BMERB1: variants seen among roughly 807,000 people sequenced by gnomAD.
The protein encoded by BMERB1 is bMERB domain containing 1.
BMERB1 carries 12 observed loss-of-function variants against 23.6 expected under a neutral mutation model. The observed-to-expected ratio is 0.51, with a 90% CI of 0.33 to 0.82. The LOEUF is 0.82. Among genes scored for constraint, BMERB1 ranks in the 40% least tolerant of loss-of-function variants. The pLI, the probability that BMERB1 is intolerant of heterozygous loss-of-function variation, is 0.03. For synonymous variants in BMERB1, 122 were observed against 96.6 expected (o/e 1.26, Z -1.54); for missense variants, 247 against 255.4 (o/e 0.97, Z 0.22).
intron 1 of BMERB1, among the ~76,000 whole-genome samples, chr16:15,472,696 A>G (rs1598457890): frequency 6.6e-6 from 1 of 152,146 alleles, no homozygotes; most frequent in South Asian, 2.1e-4. Context: ...CATTTTGCCA[A>G]TCTGTCTTTA....
intron 1 of BMERB1, among the ~76,000 whole-genome samples, chr16:15,464,584 T>C (rs1185288572): frequency 6.6e-6 from 1 of 152,222 alleles, no homozygotes; most frequent in Non-Finnish European, 1.5e-5. Flanking sequence ...GGATTATTCA[T>C]GAGTTTTCCG....
At position 15,531,950 on chromosome 16, in the gene BMERB1, A is replaced by G. The variant is rs138227857; in HGVS notation, c.230+16522A>G. On this transcript the variant is annotated intron_variant, in intron 2 of 5. Coordinates refer to ENST00000300006, the MANE Select transcript of BMERB1 (RefSeq NM_033201.3). ...AGAAATGGGAGGGAATAAAACTGCA[A>G]GTGACTTAGCAGAGCTGCCTTGGTG... 7.2e-5 allele frequency among the ~76,000 whole-genome samples: 11 copies of G among 152,326 alleles called. No homozygotes were observed. The East Asian group carries it at 1.9e-3, about 27-fold the overall frequency.
Position 15,552,553 on chromosome 16 carries a change from C to T in BMERB1, c.231-15430C>T, listed in dbSNP as rs146082999. ...TGCGGTCCCAGAAACTGCCAGGTAG[C>T]ATCAGTGAGCAGGTGCAGGAAATCT... On this transcript the variant is annotated intron_variant, in intron 2 of 5. Coordinates refer to ENST00000300006, the MANE Select transcript of BMERB1 (RefSeq NM_033201.3). Among the ~76,000 whole-genome samples, 379 of 152,306 alleles carry T rather than the reference C, an allele frequency of 2.5e-3. 3 individuals carry two copies. The highest frequency in any genetic ancestry group is 8.4e-3 in the African/African-American group (348 of 41,564).
chr16:15,580,811 CT>C (rs1270357312), intron 3 of BMERB1, among the ~76,000 whole-genome samples: 3 of 152,002 alleles, frequency 2.0e-5, no homozygotes, highest in Non-Finnish European at 4.4e-5. Context: ...TCCCAAAGTG[CT>C]GGGATTACAG....
chr16:15,547,837 A>G (rs947211872), intron 2 of BMERB1, among the ~76,000 whole-genome samples: 1 of 152,136 alleles, frequency 6.6e-6, no homozygotes, highest in Non-Finnish European at 1.5e-5. Flanking sequence ...TGTGATTCCG[A>G]TGGAGCCACT....
intron 1 of BMERB1, among the ~76,000 whole-genome samples, chr16:15,452,861 C>T (rs2051053842): frequency 6.6e-6 from 1 of 152,154 alleles, no homozygotes; most frequent in Admixed American, 6.6e-5. Flanking sequence ...TTCCCTAAGA[C>T]AGCATTTCAC....
At chr16:15,535,746 T>C (rs2052018695) in intron 2 of BMERB1, among the ~76,000 whole-genome samples, 1 of 151,176 alleles carries the variant, frequency 6.6e-6, no homozygotes, top group South Asian at 2.1e-4. Context: ...ATTTTCACAC[T>C]GGAAAAAAAA....
intron 1 of BMERB1, among the ~76,000 whole-genome samples, chr16:15,487,745 G>T (rs2051380450): frequency 6.6e-6 from 1 of 152,184 alleles, no homozygotes; most frequent in Non-Finnish European, 1.5e-5. Context: ...TGGGAAAGAG[G>T]TGGGCAATTC....
chr16:15,503,364 C>G (rs2051550104), intron 1 of BMERB1, among the ~76,000 whole-genome samples: 1 of 151,696 alleles, frequency 6.6e-6, no homozygotes, highest in Non-Finnish European at 1.5e-5. Context: ...TCACTGCAAA[C>G]TCCGCCTCCC....
intron 1 of BMERB1, among the ~76,000 whole-genome samples, chr16:15,497,647 A>T (rs572356629): frequency 2.6e-5 from 4 of 152,264 alleles, no homozygotes; most frequent in African/African-American, 9.6e-5. Flanking sequence ...TGAGACACAG[A>T]TTGGCATTTT....
intron 1 of BMERB1, among the ~76,000 whole-genome samples, chr16:15,469,340 A>G (rs1242006703): frequency 6.6e-6 from 1 of 152,060 alleles, no homozygotes; most frequent in Non-Finnish European, 1.5e-5. Context: ...TGTTCCCTCA[A>G]TCTATATGTG....
At chr16:15,583,715 C>A (rs907629151) in intron 5 of BMERB1, among the ~76,000 whole-genome samples, 1 of 152,032 alleles carries the variant, frequency 6.6e-6, no homozygotes, top group Non-Finnish European at 1.5e-5. Context: ...GCCTCACGGG[C>A]CTGCAGGCAG....
At chr16:15,487,290 A>G (rs971094261) in intron 1 of BMERB1, among the ~76,000 whole-genome samples, 7 of 152,212 alleles carry the variant, frequency 4.6e-5, no homozygotes, top group African/African-American at 1.7e-4. Context: ...GGAAAAACCA[A>G]TTGTTTTATC....
chr16:15,497,701 A>G (rs2051487013), intron 1 of BMERB1, among the ~76,000 whole-genome samples: 1 of 152,056 alleles, frequency 6.6e-6, no homozygotes, highest in Non-Finnish European at 1.5e-5. Context: ...AGTTGTTAGT[A>G]TTTGTTTTAG....
At chr16:15,454,560 A>G (rs111945170) in intron 1 of BMERB1, among the ~76,000 whole-genome samples, 4,408 of 152,304 alleles carry the variant, frequency 0.029, 198 homozygotes, top group South Asian at 0.11. Flanking sequence ...TGGGAGGCCA[A>G]GGCGGGTGGA....
intron 1 of BMERB1, among the ~76,000 whole-genome samples, chr16:15,487,379 C>T (rs539253208): frequency 1.3e-5 from 2 of 152,220 alleles, no homozygotes; most frequent in East Asian, 3.9e-4. Context: ...ATGTCTCTTT[C>T]CTGGATGTCT....
intron 5 of BMERB1, 151 bp from the exon 6 acceptor site, chr16:15,586,566 C>A (rs1274531590): frequency 3.0e-6 from 2 of 672,454 alleles, no homozygotes; most frequent in Non-Finnish European, 5.4e-6. Flanking sequence ...AAATGTGCAT[C>A]AGCTCTCCAT....
intron 1 of BMERB1, among the ~76,000 whole-genome samples, chr16:15,468,162 T>TTTTTTTTTTTTTTC (rs57267276): frequency 6.2e-5 from 4 of 64,554 alleles, no homozygotes; most frequent in Non-Finnish European, 6.2e-5. Flanking sequence ...TTTTTTTTTT[T>TTTTTTTTTTTTTTC]TGAGGCAGGG....
chr16:15,573,614 G>A (rs979758845), intron 3 of BMERB1, among the ~76,000 whole-genome samples: 11 of 152,142 alleles, frequency 7.2e-5, no homozygotes, highest in Admixed American at 6.5e-5. Context: ...AATACCTCAA[G>A]CATTGATCTT....
Sources: allele counts gnomAD v4.1 joint callset (sites outside exome capture counted in the v4.1 genomes callset), GRCh38; gene constraint gnomAD v4.1.1; transcripts MANE v1.5; gene names NCBI Gene and HGNC (gene_info 2026-07-23, HGNC 2026-07-21).